ATP12A: variants seen among roughly 807,000 people sequenced by gnomAD.
ATP12A encodes the protein potassium-transporting ATPase alpha chain 2.
A neutral mutation model predicts 111.2 loss-of-function variants in ATP12A; 81 were observed. That is an observed-to-expected ratio of 0.73 (90% CI 0.61 to 0.88). ATP12A has a LOEUF of 0.88. Ranked by LOEUF, ATP12A falls within the 40% of genes least tolerant of loss-of-function variation. The pLI is 0.00. For synonymous variants in ATP12A, 498 were observed against 499.8 expected (o/e 1.00, Z 0.05); for missense variants, 1,196 against 1,313.1 (o/e 0.91, Z 1.38).
At position 24,692,948 on chromosome 13, in the gene ATP12A, T is replaced by C. The variant is rs570411456; in HGVS notation, c.1377+52T>C. 2.1e-5 allele frequency: 32 copies of C among 1,520,000 alleles called. No homozygotes were observed. In the South Asian group the frequency reaches 3.6e-4, roughly 17 times the overall value. 94.2% of individuals were successfully genotyped at this position (1,520,000 alleles called of 1,614,324 possible). Reference sequence around the variant, plus strand: ...AAATCACAGCCAGTTTGTAGTCACTTGCTGAGGTCTGATTGGGTGCTTGAT... The same window carrying C: ...AAATCACAGCCAGTTTGTAGTCACTCGCTGAGGTCTGATTGGGTGCTTGAT... On this transcript the variant is annotated intron_variant, in intron 10 of 22. Coordinates refer to ENST00000381946, the MANE Select transcript of ATP12A (RefSeq NM_001676.7).
At position 24,681,499 on chromosome 13, in the gene ATP12A, G is replaced by T. The variant is rs551163198; in HGVS notation, c.10-63G>T. ...CTGCAGGTCCTGACCCCGCAGAGGGGCGCTCAGCACCTCTTCGGAAACCCC... is the reference window on the plus strand; with the variant it reads ...CTGCAGGTCCTGACCCCGCAGAGGGTCGCTCAGCACCTCTTCGGAAACCCC... On this transcript the variant is annotated intron_variant, in intron 1 of 22. Transcript: ENST00000381946. 5.7e-6 allele frequency: 9 copies of T among 1,568,116 alleles called. No homozygotes were observed. The African/African-American group carries it at 1.1e-4, about 19-fold the overall frequency.
chr13:24,698,567 C>G (rs1173496909), intron 11 of ATP12A, 91 bp from the exon 12 acceptor site: 2 of 1,359,308 alleles, frequency 1.5e-6, no homozygotes, highest in African/African-American at 2.9e-5. Context: ...GCCATTGTGC[C>G]TCTTCCTCCT....
At chr13:24,706,179 A>T in intron 14 of ATP12A, 134 bp from the exon 15 acceptor site, 1 of 1,189,320 alleles carries the variant, frequency 8.4e-7, no homozygotes, top group Non-Finnish European at 1.2e-6. Flanking sequence ...CTGTTACCTC[A>T]CTAGAGCATT....
In ATP12A at chr13:24,702,102, C is replaced by T. The variant is rs758368187; in HGVS notation, c.2018+31C>T. 8.7e-6 allele frequency: 14 copies of T among 1,613,404 alleles called. No individual in the cohort carries two copies. In the East Asian group the frequency reaches 2.7e-4, roughly 31 times the overall value. ...CACAGGAGCAGCATAGTAAAAATTCCAGTTTATACCCATGGGGCCCCACTG... is the reference window on the plus strand; with the variant it reads ...CACAGGAGCAGCATAGTAAAAATTCTAGTTTATACCCATGGGGCCCCACTG... On this transcript the variant is annotated intron_variant, in intron 14 of 22. Transcript: ENST00000381946.
At chr13:24,700,027 C>T (rs1039465587) in intron 12 of ATP12A, among the ~76,000 whole-genome samples, 2 of 152,210 alleles carry the variant, frequency 1.3e-5, no homozygotes, top group African/African-American at 4.8e-5. Context: ...TTCTCAAAGC[C>T]TGCTCCATTG....
intron 1 of ATP12A, 96 bp from the exon 2 acceptor site, chr13:24,681,466 C>T: frequency 1.4e-6 from 2 of 1,420,658 alleles, no homozygotes; most frequent in South Asian, 2.7e-5. Context: ...AGAAGGGGCT[C>T]CTGACTCCTG....
chr13:24,697,366 GCTCAC>G (rs1383213673), intron 11 of ATP12A, among the ~76,000 whole-genome samples: 1 of 152,152 alleles, frequency 6.6e-6, no homozygotes, highest in Non-Finnish European at 1.5e-5. Context: ...AGGTACAGTG[GCTCAC>G]ACCTGTAATC....
chr13:24,709,279 G>GCCCCCCCCCCCCC, intron 17 of ATP12A, 85 bp from the exon 18 acceptor site: 10 of 211,220 alleles, frequency 4.7e-5, no homozygotes, highest in South Asian at 1.6e-4. Flanking sequence ...TCCAGCCAGT[G>GCCCCCCCCCCCCC]CCCCACCCAC....
At position 24,680,608 on chromosome 13, in the gene ATP12A, G is replaced by A. The variant is rs1420492636; in HGVS notation, c.-136G>A. 5.5e-6 allele frequency: 6 copies of A among 1,085,876 alleles called. No homozygotes were observed. The highest frequency in any genetic ancestry group is 3.2e-5 in the South Asian group (2 of 63,486). The allele number at this position is 1,085,876 out of a possible 1,614,324, so 67.3% of individuals were successfully genotyped here. A position where few individuals can be genotyped will look rare whatever the true frequency, so the allele number is the denominator to read the frequency against. ...CGGAGGTGCGTGCAGGGCCCGCGCC[G>A]CCGCCGGTATCTCCACCGCCAACAC... On this transcript the variant is annotated 5_prime_UTR_variant, in exon 1 of 23. Transcript: ENST00000381946.
rs1427898824 is a variant in ATP12A at position 24,685,408 on chromosome 13, C to A, written c.228+35C>A. ...GGGAACCAGGGATTTGGAAGAGAAG[C>A]CTCCCAACTCTACAGAGGGAAGGCT... On this transcript the variant is annotated intron_variant, in intron 3 of 22. Transcript: ENST00000381946. The surrounding 1 kb of genome is among the most constrained non-coding windows in gnomAD (Gnocchi z 5.5). 1 of 1,597,062 alleles carries A rather than the reference C, an allele frequency of 6.3e-7. No homozygotes were observed. The highest frequency in any genetic ancestry group is 8.6e-7 in the Non-Finnish European group (1 of 1,164,480).
chr13:24,704,229 T>G (rs1310009065), intron 14 of ATP12A: 1 of 152,252 alleles, frequency 6.6e-6, no homozygotes, highest in Non-Finnish European at 1.5e-5. Flanking sequence ...AACTCCTGAC[T>G]GCAAGGGTTC....
chr13:24,710,556 A>G lies in ATP12A; in HGVS notation c.2860A>G (p.Thr954Ala). The change falls in exon 20 of 23, where the codon ACC becomes GCC. Residue 954 changes from threonine to alanine, a missense_variant. Around this residue, in one of 3 missense-constraint regions of ATP12A, gnomAD observed 1,126 missense variants for 1,228.5 expected, o/e 0.92. Transcript: ENST00000381946. ...AATAGCAGATCTGATCATCAGGAAA[A>G]CCCGGAGGAATTCCATCTTCCAGCA... ...QQIADLIIRK[T>A]RRNSIFQQGL... The G allele has an allele frequency of 1.9e-6, 3 of 1,614,106 alleles. No individual in the cohort carries two copies. The highest frequency in any genetic ancestry group is 2.5e-6 in the Non-Finnish European group (3 of 1,180,018).
chr13:24,687,914 A>G (rs1441659247), intron 3 of ATP12A, among the ~76,000 whole-genome samples: 3 of 152,182 alleles, frequency 2.0e-5, no homozygotes, highest in Admixed American at 6.5e-5. Context: ...CCCTTAGCAG[A>G]GCAGAGTGCA....
rs534955742 is a variant in ATP12A at position 24,685,465 on chromosome 13, C to T, written c.228+92C>T. The stretch of plus-strand genomic sequence containing the variant: ...GGCGGGGGGCTGTGTGGAAGAGTAG[C>T]GGCACCTTTAGGAGGAGGGGCCCCT... On this transcript the variant is annotated intron_variant, in intron 3 of 22. Transcript: ENST00000381946. The surrounding 1 kb of genome is among the most constrained non-coding windows in gnomAD (Gnocchi z 5.5). The T allele has an allele frequency of 2.4e-5, 33 of 1,375,572 alleles. No homozygotes were observed. Among genetic ancestry groups the T allele is most frequent in the Admixed American group, 6.8e-5 (4 of 59,126 alleles). 85.2% of individuals were successfully genotyped at this position (1,375,572 alleles called of 1,614,324 possible). A position where few individuals can be genotyped will look rare whatever the true frequency, so the allele number is the denominator to read the frequency against.
rs1426379980 is a variant in ATP12A at position 24,711,565 on chromosome 13, C to T, written c.*43C>T. On this transcript the variant is annotated 3_prime_UTR_variant, in exon 23 of 23. Transcript: ENST00000381946. ...TGTCTCTCAGCAGCACGTTGGGGCA[C>T]ACTTGTTCATCTTCTGACCGTTTGC... 1 of 1,612,542 alleles carries T rather than the reference C, an allele frequency of 6.2e-7. No homozygotes were observed. Among genetic ancestry groups the T allele is most frequent in the South Asian group, 1.1e-5 (1 of 91,036 alleles).
chr13:24,708,404 T>C (rs1412615580), intron 17 of ATP12A, among the ~76,000 whole-genome samples: 1 of 152,128 alleles, frequency 6.6e-6, no homozygotes, highest in Non-Finnish European at 1.5e-5. Flanking sequence ...TTCCCCTCTC[T>C]TGTTTTCTAC....
intron 17 of ATP12A, among the ~76,000 whole-genome samples, chr13:24,708,900 G>GA (rs1172837437): frequency 3.1e-5 from 2 of 65,192 alleles, no homozygotes; most frequent in African/African-American, 1.0e-4. Flanking sequence ...AAGAAAGAAA[G>GA]GAAAGAAAGA....
intron 8 of ATP12A, among the ~76,000 whole-genome samples, chr13:24,691,911 G>C (rs887401871): frequency 2.6e-5 from 4 of 152,232 alleles, no homozygotes; most frequent in Non-Finnish European, 5.9e-5. Flanking sequence ...CCAGGAGATA[G>C]TAATTTGGGG....
In ATP12A at chr13:24,685,453, G is replaced by A. The variant is rs1330961631; in HGVS notation, c.228+80G>A. 8.9e-6 allele frequency: 13 copies of A among 1,468,468 alleles called. No homozygotes were observed. The highest frequency in any genetic ancestry group is 2.8e-5 in the African/African-American group (2 of 71,788). The allele number at this position is 1,468,468 out of a possible 1,614,324, so 91.0% of individuals were successfully genotyped here. On this transcript the variant is annotated intron_variant, in intron 3 of 22. Transcript: ENST00000381946. This position sits in a 1 kb window ranked among gnomAD's most constrained non-coding sequence, Gnocchi z 5.5. ...AAGGCTGTGTGTGGCGGGGGGCTGTGTGGAAGAGTAGCGGCACCTTTAGGA... is the reference window on the plus strand; with the variant it reads ...AAGGCTGTGTGTGGCGGGGGGCTGTATGGAAGAGTAGCGGCACCTTTAGGA...
Sources: allele counts gnomAD v4.1 joint callset (sites outside exome capture counted in the v4.1 genomes callset), GRCh38; gene constraint gnomAD v4.1.1; regional missense constraint gnomAD v4.1.1; non-coding constraint Gnocchi (gnomAD v3.1); transcripts MANE v1.5; gene names NCBI Gene and HGNC (gene_info 2026-07-23, HGNC 2026-07-21).